The following DCC variants were observed in gnomAD, a reference collection of about 807,000 sequenced individuals.
The protein encoded by DCC is netrin receptor DCC.
DCC carries 58 observed loss-of-function variants against 172.5 expected under a neutral mutation model. The ratio of observed to expected loss-of-function variants is 0.34; its 90% CI spans 0.27 to 0.42. DCC has a LOEUF of 0.42. DCC is among the 10% of genes least tolerant of loss of function. DCC has a pLI of 1.00. For synonymous variants in DCC, 709 were observed against 644.5 expected (o/e 1.10, Z -1.52); for missense variants, 1,740 against 1,791.0 (o/e 0.97, Z 0.51).
chr18:52,605,862 A>T (rs1204900204), intron 1 of DCC, among the ~76,000 whole-genome samples: 2 of 152,142 alleles, frequency 1.3e-5, no homozygotes, highest in Non-Finnish European at 1.5e-5. Flanking sequence ...GACACCAGTC[A>T]GTAATCTCAT....
intron 2 of DCC, among the ~76,000 whole-genome samples, chr18:52,776,189 G>C (rs1225455575): frequency 1.3e-5 from 2 of 152,006 alleles, no homozygotes; most frequent in Non-Finnish European, 2.9e-5. Flanking sequence ...ATAATCCCAA[G>C]ATAATTGAAG....
intron 2 of DCC, among the ~76,000 whole-genome samples, chr18:52,855,249 C>T (rs1296988782): frequency 6.6e-6 from 1 of 152,140 alleles, no homozygotes; most frequent in African/African-American, 2.4e-5. Flanking sequence ...TTCATTTCTA[C>T]TTAGAGCATC....
intron 12 of DCC, among the ~76,000 whole-genome samples, chr18:53,235,121 T>C (rs1222667822): frequency 1.3e-5 from 2 of 152,130 alleles, no homozygotes; most frequent in African/African-American, 4.8e-5. Context: ...TGACACAGGG[T>C]TCATTGTGTA....
At position 53,446,124 on chromosome 18, in the gene DCC, A is replaced by AAAAAAAC. The variant is rs369426007; in HGVS notation, c.3230-4376_3230-4375insAAAAAAC. 1.9e-3 allele frequency among the ~76,000 whole-genome samples: 217 copies of AAAAAAAC among 117,252 alleles called. 27 individuals are homozygous for AAAAAAAC. Among genetic ancestry groups the AAAAAAAC allele is most frequent in the Middle Eastern group, 5.5e-3 (1 of 182 alleles). 76.9% of individuals were successfully genotyped at this position (117,252 alleles called of 152,430 possible). ...AAAAAAAAAAAAAAAACAAAAAAAA[A>AAAAAAAC]CACTTAAAAATTTTCCAGGGATGGT... On this transcript the variant is annotated intron_variant, in intron 22 of 28. Transcript: ENST00000442544.
At chr18:53,021,847 GA>G (rs2041886099) in intron 5 of DCC, among the ~76,000 whole-genome samples, 1 of 152,154 alleles carries the variant, frequency 6.6e-6, no homozygotes, top group Non-Finnish European at 1.5e-5. Flanking sequence ...AGTATTTTGG[GA>G]AAAGCAAGCA....
In DCC at chr18:53,158,639, T is replaced by G. The variant is rs1197636735; in HGVS notation, c.1418+1127T>G. 2.0e-5 allele frequency among the ~76,000 whole-genome samples: 3 copies of G among 151,988 alleles called. No individual in the cohort carries two copies. In the East Asian group the frequency reaches 5.8e-4, roughly 29 times the overall value. ...GCTCTCCTTTGTAGTTGGCAGCAAG[T>G]TCAAGTTTAGCCTTTTAAAGTTTCT... is the stretch of plus-strand genomic sequence containing the variant. On this transcript the variant is annotated intron_variant, in intron 8 of 28. Transcript: ENST00000442544.
chr18:52,677,229 G>C (rs2035660762), intron 1 of DCC, among the ~76,000 whole-genome samples: 1 of 152,000 alleles, frequency 6.6e-6, no homozygotes, highest in African/African-American at 2.4e-5. Context: ...CTTTCATCCA[G>C]GTGGTATCAT....
intron 1 of DCC, among the ~76,000 whole-genome samples, chr18:52,598,384 G>C (rs1456141348): frequency 6.6e-6 from 1 of 152,210 alleles, no homozygotes; most frequent in African/African-American, 2.4e-5. Flanking sequence ...TCTCAAAAAA[G>C]GAATGAGGTA....
intron 11 of DCC, among the ~76,000 whole-genome samples, chr18:53,212,097 A>G (rs866249430): frequency 4.6e-5 from 7 of 152,120 alleles, no homozygotes; most frequent in African/African-American, 1.7e-4. Context: ...ACATGGCAGC[A>G]TACATTTGCT....
intron 9 of DCC, among the ~76,000 whole-genome samples, chr18:53,187,704 A>C (rs1176138295): frequency 6.6e-6 from 1 of 152,194 alleles, no homozygotes; most frequent in Admixed American, 6.5e-5. Context: ...CAATAATATG[A>C]CTTTAGCTAT....
At chr18:52,651,830 C>T (rs2035137748) in intron 1 of DCC, among the ~76,000 whole-genome samples, 1 of 152,086 alleles carries the variant, frequency 6.6e-6, no homozygotes, top group Non-Finnish European at 1.5e-5. Context: ...TAAACACCAG[C>T]TACCATGTTA....
intron 1 of DCC, among the ~76,000 whole-genome samples, chr18:52,572,737 C>T (rs141581306): frequency 3.9e-5 from 6 of 152,196 alleles, no homozygotes; most frequent in East Asian, 1.9e-4. Flanking sequence ...GAAAGGTCAA[C>T]GGGAAGAACA....
chr18:53,242,830 T>C (rs1039557347), intron 12 of DCC, among the ~76,000 whole-genome samples: 2 of 151,916 alleles, frequency 1.3e-5, no homozygotes, highest in South Asian at 2.1e-4. Flanking sequence ...ATCCTTATCC[T>C]CCCTAGGGGA....
intron 8 of DCC, among the ~76,000 whole-genome samples, chr18:53,177,848 C>T (rs1266641077): frequency 2.6e-5 from 4 of 152,210 alleles, no homozygotes; most frequent in African/African-American, 9.6e-5. Flanking sequence ...GAGCCAGTCT[C>T]TGCCATCAGT....
At chr18:53,487,529 C>CTTTTT (rs34404262) in intron 26 of DCC, among the ~76,000 whole-genome samples, 1 of 120,218 alleles carries the variant, frequency 8.3e-6, no homozygotes, top group Non-Finnish European at 1.7e-5. Flanking sequence ...CCATTTGACT[C>CTTTTT]TTTTTTTTTT....
intron 2 of DCC, among the ~76,000 whole-genome samples, chr18:52,789,510 T>A (rs2037721043): frequency 6.6e-6 from 1 of 152,194 alleles, no homozygotes; most frequent in Non-Finnish European, 1.5e-5. Flanking sequence ...TGAGCACTCT[T>A]TAAGAAAATT....
intron 15 of DCC, among the ~76,000 whole-genome samples, chr18:53,343,336 A>C (rs1035619540): frequency 3.3e-5 from 5 of 151,998 alleles, no homozygotes; most frequent in African/African-American, 1.2e-4. Flanking sequence ...AAGAAATGCT[A>C]TACTCTTTCT....
chr18:53,478,635 C>A (rs549692815), intron 25 of DCC, among the ~76,000 whole-genome samples: 1 of 152,244 alleles, frequency 6.6e-6, no homozygotes, highest in African/African-American at 2.4e-5. Flanking sequence ...AACACTGAAG[C>A]AAAGGAAGTT....
chr18:52,417,345 G>T (rs186875377), intron 1 of DCC, among the ~76,000 whole-genome samples: 24 of 152,130 alleles, frequency 1.6e-4, no homozygotes, highest in Admixed American at 1.2e-3. Flanking sequence ...AGACAATTAT[G>T]TGTCTTGGAG....
Sources: gnomAD v4.1 joint callset for allele counts (sites outside exome capture counted in the v4.1 genomes callset) on GRCh38, gnomAD v4.1.1 for gene constraint, MANE v1.5 for transcripts, NCBI Gene and HGNC (gene_info 2026-07-23, HGNC 2026-07-21) for gene names.